PPP2R2C: variants seen among roughly 807,000 people sequenced by gnomAD.
PPP2R2C encodes protein phosphatase 2 regulatory subunit Bgamma.
A neutral mutation model predicts 45.3 loss-of-function variants in PPP2R2C; 10 were observed. The observed-to-expected ratio is 0.22, with a 90% CI of 0.14 to 0.37. PPP2R2C has a LOEUF of 0.37. Among genes scored for constraint, PPP2R2C ranks in the 10% least tolerant of loss-of-function variants. PPP2R2C has a pLI of 1.00. For missense variants in PPP2R2C, 308 were observed against 619.7 expected (o/e 0.50, Z 5.34); for synonymous variants, 257 against 245.4 (o/e 1.05, Z -0.44).
At chr4:6,417,194 C>G (rs1291278027) in intron 1 of PPP2R2C, among the ~76,000 whole-genome samples, 1 of 152,110 alleles carries the variant, frequency 6.6e-6, no homozygotes, top group Non-Finnish European at 1.5e-5. Flanking sequence ...ATTTACCAGA[C>G]CCCCTTGCAG....
chr4:6,444,738 T>C (rs1299389550), intron 1 of PPP2R2C, among the ~76,000 whole-genome samples: 1 of 152,270 alleles, frequency 6.6e-6, no homozygotes, highest in Non-Finnish European at 1.5e-5. Flanking sequence ...TTCCAAGCGA[T>C]GCCTGGCCAG....
intron 2 of PPP2R2C, among the ~76,000 whole-genome samples, chr4:6,488,902 G>A (rs2108784035): frequency 6.6e-6 from 1 of 152,230 alleles, no homozygotes; most frequent in African/African-American, 2.4e-5. Context: ...TCTAAGTACT[G>A]GTATCACAGG....
At chr4:6,549,204 C>G (rs145434674) in intron 1 of PPP2R2C, among the ~76,000 whole-genome samples, 77 of 152,310 alleles carry the variant, frequency 5.1e-4, no homozygotes, top group African/African-American at 1.7e-3. Flanking sequence ...AAAGTCCATG[C>G]CCCATACAGC....
chr4:6,375,671 C>T, intron 4 of PPP2R2C, 148 bp downstream of exon 4: 2 of 644,776 alleles, frequency 3.1e-6, no homozygotes, highest in Non-Finnish European at 5.5e-6. Flanking sequence ...AGGCAAGGGG[C>T]AGGAAGACGC....
rs1715551056 is a variant in PPP2R2C at position 6,378,768 on chromosome 4, C to T, written c.169-196G>A. On this transcript the variant is annotated intron_variant, in intron 2 of 8. Coordinates refer to ENST00000382599, the MANE Select transcript of PPP2R2C (RefSeq NM_020416.4). The surrounding 1 kb of genome is among the most constrained non-coding windows in gnomAD (Gnocchi z 5.2). The stretch of plus-strand genomic sequence containing the variant: ...GTGTGCCAGGGACAAGCCCCGCTCC[C>T]GTGCGGTCCCATGAAACACTCACAC... 2.6e-5 allele frequency among the ~76,000 whole-genome samples: 4 copies of T among 152,064 alleles called. No individual in the cohort carries two copies. The highest frequency in any genetic ancestry group is 2.1e-4 in the South Asian group (1 of 4,810).
intron 1 of PPP2R2C, among the ~76,000 whole-genome samples, chr4:6,545,727 C>T (rs754480355): frequency 1.3e-5 from 2 of 152,218 alleles, no homozygotes; most frequent in African/African-American, 4.8e-5. Context: ...TTAGCTGGGG[C>T]ACCTCGGGTG....
Position 6,332,017 on chromosome 4 carries a change from C to T in PPP2R2C, c.960+1545G>A, listed in dbSNP as rs112595702. Among the ~76,000 whole-genome samples, 566 of 152,310 alleles carry T rather than the reference C, an allele frequency of 3.7e-3. No homozygotes were observed. The highest frequency in any genetic ancestry group is 6.8e-3 in the Middle Eastern group (2 of 294). ...GGCCAGATGCCAAGTGCCCAGCTTACGGCCTCACGCTCCAGAACAGTCATT... is the reference window on the plus strand; with the variant it reads ...GGCCAGATGCCAAGTGCCCAGCTTATGGCCTCACGCTCCAGAACAGTCATT... On this transcript the variant is annotated intron_variant, in intron 7 of 8. Transcript: ENST00000382599. This position sits in a 1 kb window ranked among gnomAD's most constrained non-coding sequence, Gnocchi z 4.9.
chr4:6,521,524 G>T (rs941116661), intron 2 of PPP2R2C, among the ~76,000 whole-genome samples: 2 of 152,190 alleles, frequency 1.3e-5, no homozygotes, highest in Admixed American at 6.5e-5. Context: ...CAGTGCTCCA[G>T]AGAGGAGCCC....
intron 2 of PPP2R2C, among the ~76,000 whole-genome samples, chr4:6,483,517 C>A (rs913195333): frequency 6.6e-6 from 1 of 152,074 alleles, no homozygotes; most frequent in African/African-American, 2.4e-5. Context: ...GTTTGCATTA[C>A]CCCCGTGACT....
chr4:6,377,397 T>C (rs1715403760), intron 3 of PPP2R2C, among the ~76,000 whole-genome samples: 1 of 152,020 alleles, frequency 6.6e-6, no homozygotes, highest in Non-Finnish European at 1.5e-5. Flanking sequence ...GGCTCATGCC[T>C]GTAATCCCAG....
chr4:6,362,423 C>A (rs920510920), intron 5 of PPP2R2C, among the ~76,000 whole-genome samples: 2 of 152,184 alleles, frequency 1.3e-5, no homozygotes, highest in Admixed American at 6.5e-5. Flanking sequence ...CAGGGTCGCA[C>A]ACCTCTACCA....
At chr4:6,560,677 C>T (rs548026496) in intron 1 of PPP2R2C, among the ~76,000 whole-genome samples, 3 of 152,338 alleles carry the variant, frequency 2.0e-5, no homozygotes, top group African/African-American at 4.8e-5. Flanking sequence ...GAGCTGCACC[C>T]GCTTCACAAG....
upstream of PPP2R2C, among the ~76,000 whole-genome samples, chr4:6,473,770 A>G (rs560530962): frequency 3.7e-4 from 56 of 152,320 alleles, no homozygotes; most frequent in African/African-American, 1.3e-3. Context: ...GGGCTGTGGG[A>G]AAGACGAGGG....
At chr4:6,344,743 G>A (rs1711674249) in intron 6 of PPP2R2C, among the ~76,000 whole-genome samples, 1 of 152,160 alleles carries the variant, frequency 6.6e-6, no homozygotes, top group Admixed American at 6.5e-5. Flanking sequence ...AGTTTTCTCT[G>A]TTTCCACTTT....
chr4:6,348,961 G>C (rs186005377), intron 5 of PPP2R2C: 2 of 957,724 alleles, frequency 2.1e-6, no homozygotes, highest in Non-Finnish European at 2.5e-6. Flanking sequence ...TGAGCAACTC[G>C]TCCGGGGTGG....
chr4:6,451,069 C>T (rs549085218), intron 1 of PPP2R2C, among the ~76,000 whole-genome samples: 15 of 152,342 alleles, frequency 9.8e-5, no homozygotes, highest in African/African-American at 3.4e-4. Context: ...CGTGCCACCA[C>T]CCAAGCTGGT....
chr4:6,542,055 A>G (rs1444987056), intron 1 of PPP2R2C, among the ~76,000 whole-genome samples: 2 of 152,248 alleles, frequency 1.3e-5, no homozygotes, highest in Non-Finnish European at 2.9e-5. Context: ...TGCACTCGTG[A>G]TCACAATGAA....
chr4:6,458,900 T>C (rs1489431819), intron 1 of PPP2R2C, among the ~76,000 whole-genome samples: 2 of 152,174 alleles, frequency 1.3e-5, no homozygotes, highest in African/African-American at 4.8e-5. Context: ...CAACAGAGAT[T>C]GACCCAGGCT....
chr4:6,395,598 C>T (rs535685848), intron 1 of PPP2R2C, among the ~76,000 whole-genome samples: 4 of 152,302 alleles, frequency 2.6e-5, no homozygotes, highest in South Asian at 2.1e-4. Flanking sequence ...CCCCCCACAG[C>T]GGGGGCTGAT....
Sources: allele counts gnomAD v4.1 joint callset (sites outside exome capture counted in the v4.1 genomes callset), GRCh38; gene constraint gnomAD v4.1.1; non-coding constraint Gnocchi (gnomAD v3.1); transcripts MANE v1.5; gene names NCBI Gene and HGNC (gene_info 2026-07-23, HGNC 2026-07-21).